Variants in NCKAP1L observed in about 807,000 individuals in gnomAD.
The protein encoded by NCKAP1L is NCK associated protein 1 like.
In NCKAP1L, 53 loss-of-function variants were observed where a neutral mutation model predicts 139.2. That is an observed-to-expected ratio of 0.38 (90% CI 0.31 to 0.48). The LOEUF (loss-of-function observed/expected upper bound fraction) is 0.48, where lower values mean the gene tolerates loss of function less well. NCKAP1L is among the 20% of genes least tolerant of loss of function. The pLI is 0.98. For synonymous variants in NCKAP1L, 468 were observed against 499.7 expected (o/e 0.94, Z 0.85); for missense variants, 1,151 against 1,381.9 (o/e 0.83, Z 2.65).
chr12:54,528,353 G>T lies in NCKAP1L; in HGVS notation c.2482G>T (p.Ala828Ser). Residue 828 changes from alanine to serine, a missense_variant, in exon 22 of 31, where the codon GCA becomes TCA. Physicochemically the swap from Ala to Ser is moderately conservative, Grantham distance 99. Coordinates refer to ENST00000293373, the MANE Select transcript of NCKAP1L (RefSeq NM_005337.5). Reference sequence around the variant, plus strand: ...CAGAGAAGGGGAGCAGAACTTCAGTGCAGAGGAGTTCTCTGACATCTCTGG... The same window carrying T: ...CAGAGAAGGGGAGCAGAACTTCAGTTCAGAGGAGTTCTCTGACATCTCTGG... ...LPREGEQNFS[A>S]EEFSDISEMR... The T allele has an allele frequency of 6.2e-7, 1 of 1,613,998 alleles. No homozygotes were observed. The highest frequency in any genetic ancestry group is 8.5e-7 in the Non-Finnish European group (1 of 1,179,966).
chr12:54,533,935 C>CA (rs1238250687), intron 26 of NCKAP1L, among the ~76,000 whole-genome samples: 1 of 152,096 alleles, frequency 6.6e-6, no homozygotes, highest in East Asian at 1.9e-4. Context: ...CTTGTTCTTT[C>CA]AAAAAACATT....
In NCKAP1L at chr12:54,537,015, A is replaced by C. The variant is rs964113003; in HGVS notation, c.3145A>C (p.Asn1049His). 6.2e-7 allele frequency: 1 copy of C among 1,613,580 alleles called. No homozygotes were observed. Among genetic ancestry groups the C allele is most frequent in the African/African-American group, 1.3e-5 (1 of 75,020 alleles). The change falls in exon 29 of 31, where the codon AAC (asparagine) becomes CAC (histidine). Residue 1049 changes from asparagine to histidine, a missense_variant. Asn to His is a moderately conservative substitution (Grantham distance 68). Transcript: ENST00000293373. ...QVSAALFTLY[N>H]KNIETHLKEF... Reference sequence around the variant, plus strand: ...GTCTGCTGCCCTCTTCACGCTCTACAACAAGAACATTGAAACTCACCTCAA... The same window carrying C: ...GTCTGCTGCCCTCTTCACGCTCTACCACAAGAACATTGAAACTCACCTCAA...
At position 54,545,986 on chromosome 12, in the gene NCKAP1L, T is replaced by G. The variant is rs1424353992; in HGVS notation, c.*3301T>G. On this transcript the variant is annotated 3_prime_UTR_variant, in exon 31 of 31. Transcript: ENST00000293373. ...GGCTCACCCCTGTAATCCCAGCACTTTGGGAGGCAGGCGGATCGCTTGAAC... is the reference window on the plus strand; with the variant it reads ...GGCTCACCCCTGTAATCCCAGCACTGTGGGAGGCAGGCGGATCGCTTGAAC... 6.6e-6 allele frequency: 1 copy of G among 152,192 alleles called. No homozygotes were observed. The highest frequency in any genetic ancestry group is 2.4e-5 in the African/African-American group (1 of 41,436). 9.4% of individuals were successfully genotyped at this position (152,192 alleles called of 1,614,324 possible). A position where few individuals can be genotyped will look rare whatever the true frequency, so the allele number is the denominator to read the frequency against.
Position 54,545,685 on chromosome 12 carries a change from A to G in NCKAP1L, c.*3000A>G, listed in dbSNP as rs1301267536. ...TACTTAGGCCCAAAGGAACTAAAGA[A>G]TGGATATCAGAAATCTCACCCCAAT... On this transcript the variant is annotated 3_prime_UTR_variant, in exon 31 of 31. Transcript: ENST00000293373. 3 of 152,260 alleles carry G rather than the reference A, an allele frequency of 2.0e-5. No homozygotes were observed. The highest frequency in any genetic ancestry group is 2.9e-5 in the Non-Finnish European group (2 of 68,042). 9.4% of individuals were successfully genotyped at this position (152,260 alleles called of 1,614,324 possible). A position where few individuals can be genotyped will look rare whatever the true frequency, so the allele number is the denominator to read the frequency against.
chr12:54,511,338 A>G (rs769986224), intron 7 of NCKAP1L, among the ~76,000 whole-genome samples: 1 of 152,144 alleles, frequency 6.6e-6, no homozygotes, highest in Non-Finnish European at 1.5e-5. Flanking sequence ...CATCACCTCC[A>G]TTATTGGCAG....
chr12:54,516,140 C>T (rs1007168636), intron 9 of NCKAP1L, 99 bp from the exon 10 acceptor site: 8 of 1,239,614 alleles, frequency 6.5e-6, no homozygotes, highest in East Asian at 2.3e-5. Context: ...CCCATGCTCC[C>T]ACCAGGGTAT....
intron 27 of NCKAP1L, among the ~76,000 whole-genome samples, 166 bp downstream of exon 27, chr12:54,535,363 C>T (rs973908638): frequency 6.6e-5 from 10 of 152,258 alleles, no homozygotes; most frequent in South Asian, 2.1e-4. Flanking sequence ...CTTACATAGG[C>T]GATTTAGATT....
chr12:54,532,086 C>CT, intron 25 of NCKAP1L, 84 bp from the exon 26 acceptor site: 2 of 986,756 alleles, frequency 2.0e-6, no homozygotes, highest in Admixed American at 2.6e-5. Context: ...GAGTGCCCCT[C>CT]CTTTTTTTTT....
chr12:54,536,503 A>G (rs1160300586), intron 28 of NCKAP1L: 2 of 366,566 alleles, frequency 5.5e-6, no homozygotes, highest in Non-Finnish European at 1.0e-5. Context: ...TGTTTCTACA[A>G]AAATAAATAA....
chr12:54,501,846 A>G (rs1956800326), intron 3 of NCKAP1L, among the ~76,000 whole-genome samples: 1 of 152,140 alleles, frequency 6.6e-6, no homozygotes, highest in Non-Finnish European at 1.5e-5. Context: ...ACTCTTTTAC[A>G]TTCTCACCAA....
At position 54,511,971 on chromosome 12, in the gene NCKAP1L, G is replaced by A. The variant is rs1592340564; in HGVS notation, c.807G>A (p.Gly269=). Residue 269 remains glycine (G), a synonymous_variant, in exon 9 of 31, where the codon GGG becomes GGA. Coordinates refer to ENST00000293373, the MANE Select transcript of NCKAP1L (RefSeq NM_005337.5). ...WIIIGFLLCH[G]CLNSNSQCQK... ...CAGTTGGGTTTCTTCTTTGTCATGG[G>A]TGCCTCAACTCCAATAGCCAGTGCC... 6.2e-7 allele frequency: 1 copy of A among 1,614,024 alleles called. No individual in the cohort carries two copies. Among genetic ancestry groups the A allele is most frequent in the African/African-American group, 1.3e-5 (1 of 74,902 alleles).
chr12:54,539,790 C>T (rs1019883293), intron 30 of NCKAP1L, among the ~76,000 whole-genome samples: 1 of 152,126 alleles, frequency 6.6e-6, no homozygotes, highest in Admixed American at 6.5e-5. Flanking sequence ...CACCTTGAGG[C>T]CCATACGAGA....
At chr12:54,520,240 A>G (rs1363286570) in intron 16 of NCKAP1L, among the ~76,000 whole-genome samples, 1 of 152,236 alleles carries the variant, frequency 6.6e-6, no homozygotes, top group Non-Finnish European at 1.5e-5. Flanking sequence ...GAGTACATGA[A>G]GTTGAGAGGA....
chr12:54,519,779 G>A (rs537259247), intron 16 of NCKAP1L, among the ~76,000 whole-genome samples: 1 of 151,604 alleles, frequency 6.6e-6, no homozygotes, highest in East Asian at 1.9e-4. Flanking sequence ...TTGTTCTTTT[G>A]TGGAAAGCCA....
chr12:54,542,162 C>T (rs1458302075), intron 30 of NCKAP1L, among the ~76,000 whole-genome samples: 1 of 152,080 alleles, frequency 6.6e-6, no homozygotes, highest in Admixed American at 6.5e-5. Context: ...GATTCCAGGC[C>T]CCCTTCCGTG....
chr12:54,541,748 A>G (rs1434549147), intron 30 of NCKAP1L, among the ~76,000 whole-genome samples: 1 of 152,208 alleles, frequency 6.6e-6, no homozygotes, highest in African/African-American at 2.4e-5. Flanking sequence ...TATATTGTGG[A>G]GAACCCATCT....
chr12:54,499,560 G>C (rs1956780206), intron 2 of NCKAP1L, 95 bp downstream of exon 2: 2 of 724,542 alleles, frequency 2.8e-6, no homozygotes, highest in Non-Finnish European at 4.8e-6. Flanking sequence ...AACTTGGCAG[G>C]GGATGGAGTA....
intron 9 of NCKAP1L, among the ~76,000 whole-genome samples, chr12:54,513,087 G>GACTATT (rs1956901354): frequency 2.6e-5 from 4 of 152,124 alleles, no homozygotes; most frequent in Non-Finnish European, 5.9e-5. Flanking sequence ...TTCAGACAGG[G>GACTATT]GAGTGACATG....
Position 54,509,983 on chromosome 12 carries a change from A to G in NCKAP1L, c.733A>G (p.Thr245Ala). 4 of 1,614,188 alleles carry G rather than the reference A, an allele frequency of 2.5e-6. No homozygotes were observed. The highest frequency in any genetic ancestry group is 3.4e-6 in the Non-Finnish European group (4 of 1,180,026). Residue 245 changes from threonine (T) to alanine (A), a missense_variant and splice_region_variant, in exon 7 of 31, where the codon ACA becomes GCA. By Grantham distance (58) the Thr-to-Ala change is moderately conservative. Coordinates refer to ENST00000293373, the MANE Select transcript of NCKAP1L (RefSeq NM_005337.5). Reference protein sequence around the residue: ...PAMINPANSDTMACEYLSVEV... With the variant: ...PAMINPANSDAMACEYLSVEV... The stretch of plus-strand genomic sequence containing the variant: ...CATGATTAACCCTGCTAATTCAGAT[A>G]CAGTGAGTGCCCTTTTCCTTTTGTT...
Sources: allele counts gnomAD v4.1 joint callset (sites outside exome capture counted in the v4.1 genomes callset), GRCh38; gene constraint gnomAD v4.1.1; transcripts MANE v1.5; gene names NCBI Gene and HGNC (gene_info 2026-07-23, HGNC 2026-07-21).